PRKN: variants seen among roughly 807,000 people sequenced by gnomAD.
The protein encoded by PRKN is parkin RBR E3 ubiquitin protein ligase, also known as E3 ubiquitin-protein ligase parkin.
A neutral mutation model predicts 59.5 loss-of-function variants in PRKN; 56 were observed. The ratio of observed to expected loss-of-function variants is 0.94; its 90% CI spans 0.76 to 1.18. PRKN has a LOEUF of 1.18. Among genes scored for constraint, PRKN ranks in the 50% most tolerant of loss-of-function variants. The pLI, the probability that PRKN is intolerant of heterozygous loss-of-function variation, is 0.00. For missense variants in PRKN, 657 were observed against 596.4 expected, an observed-to-expected ratio of 1.10 and a Z score of -1.06; for synonymous variants, 250 against 222.1, an observed-to-expected ratio of 1.13 and a Z score of -1.12.
chr6:161,644,244 G>C (rs1170995590), intron 7 of PRKN, among the ~76,000 whole-genome samples: 1 of 151,998 alleles, frequency 6.6e-6, no homozygotes, highest in African/African-American at 2.4e-5. Flanking sequence ...CAGACTGTTG[G>C]GTGCAAAGTT....
chr6:162,710,018 G>A (rs892480447), intron 1 of PRKN, among the ~76,000 whole-genome samples: 68 of 152,086 alleles, frequency 4.5e-4, no homozygotes, highest in African/African-American at 1.6e-3. Flanking sequence ...TCTCCTCCAC[G>A]GGTTGGGGTG....
intron 2 of PRKN, among the ~76,000 whole-genome samples, chr6:162,360,844 T>C (rs1430383741): frequency 6.6e-6 from 1 of 152,204 alleles, no homozygotes; most frequent in African/African-American, 2.4e-5. Flanking sequence ...GTGCTGGGCA[T>C]GAGACATACT....
chr6:161,582,469 T>C lies in PRKN; in HGVS notation c.872-13053A>G, dbSNP rs903397485. On this transcript the variant is annotated intron_variant, in intron 7 of 11. Coordinates refer to ENST00000366898, the MANE Select transcript of PRKN (RefSeq NM_004562.3). This position sits in a 1 kb window ranked among gnomAD's most constrained non-coding sequence, Gnocchi z 4.4. ...TGAGACAGAGTCTCGCTCTGTCGCCTAGGCTGGAGTGCAGTGGCGCGATCT... is the reference window on the plus strand; with the variant it reads ...TGAGACAGAGTCTCGCTCTGTCGCCCAGGCTGGAGTGCAGTGGCGCGATCT... Among the ~76,000 whole-genome samples, 2 of 151,836 alleles carry C rather than the reference T, an allele frequency of 1.3e-5. No individual in the cohort carries two copies. The highest frequency in any genetic ancestry group is 2.4e-5 in the African/African-American group (1 of 41,436).
chr6:162,450,262 C>T (rs768004241), intron 1 of PRKN, among the ~76,000 whole-genome samples: 42 of 152,046 alleles, frequency 2.8e-4, no homozygotes, highest in Non-Finnish European at 5.1e-4. Context: ...ATGTAAACGC[C>T]CCTATGACTG....
intron 7 of PRKN, among the ~76,000 whole-genome samples, chr6:161,756,454 A>G (rs1344844746): frequency 6.6e-6 from 1 of 151,204 alleles, no homozygotes; most frequent in Non-Finnish European, 1.5e-5. Context: ...AAAAAAAAAA[A>G]AAAAAAAAAA....
At chr6:162,599,385 T>C (rs1320026278) in intron 1 of PRKN, among the ~76,000 whole-genome samples, 1 of 151,874 alleles carries the variant, frequency 6.6e-6, no homozygotes, top group African/African-American at 2.4e-5. Context: ...GCAGGACAGG[T>C]TGAATTTGCG....
chr6:162,220,305 C>A (rs979859079), intron 3 of PRKN, among the ~76,000 whole-genome samples: 2 of 152,028 alleles, frequency 1.3e-5, no homozygotes, highest in African/African-American at 4.8e-5. Flanking sequence ...AAAGGAATTG[C>A]AACAAAAGCA....
chr6:162,398,300 T>C (rs771011226), intron 2 of PRKN, among the ~76,000 whole-genome samples: 1 of 152,158 alleles, frequency 6.6e-6, no homozygotes, highest in Non-Finnish European at 1.5e-5. Context: ...GTTATTATCA[T>C]AGGTAGTTAT....
chr6:161,636,755 G>C (rs1230790622), intron 7 of PRKN, among the ~76,000 whole-genome samples: 1 of 152,056 alleles, frequency 6.6e-6, no homozygotes, highest in Non-Finnish European at 1.5e-5. Context: ...ATACAAAGTC[G>C]AGATTAAACA....
chr6:161,548,918 C>T lies in PRKN; in HGVS notation c.1019G>A (p.Gly340Glu), dbSNP rs1318163167. Reference sequence around the variant, plus strand: ...CCTCTGGTCAGGCTCCGGCAGCAGCCCCGCTCCACAGCCAGGGCGGGGGCA... The same window carrying T: ...CCTCTGGTCAGGCTCCGGCAGCAGCTCCGCTCCACAGCCAGGGCGGGGGCA... ...VLCPRPGCGAGLLPEPDQRKV... is the reference protein window; with the variant it reads ...VLCPRPGCGAELLPEPDQRKV... The change falls in exon 9 of 12, where the codon GGG becomes GAG. Residue 340 changes from glycine to glutamate, a missense_variant. Physicochemically the swap from Gly to Glu is moderately conservative, Grantham distance 98. Transcript: ENST00000366898. The surrounding 1 kb of genome is among the most constrained non-coding windows in gnomAD (Gnocchi z 4.2). 2 of 1,614,182 alleles carry T rather than the reference C, an allele frequency of 1.2e-6. No individual in the cohort carries two copies. Among genetic ancestry groups the T allele is most frequent in the Admixed American group, 3.3e-5 (2 of 60,034 alleles).
intron 6 of PRKN, among the ~76,000 whole-genome samples, chr6:161,946,199 A>G (rs1432611398): frequency 6.6e-6 from 1 of 152,156 alleles, no homozygotes; most frequent in African/African-American, 2.4e-5. Context: ...GTTTTTTAGA[A>G]TAAATAGCGT....
At chr6:162,331,022 T>C (rs1048383128) in intron 2 of PRKN, among the ~76,000 whole-genome samples, 4 of 152,154 alleles carry the variant, frequency 2.6e-5, no homozygotes, top group African/African-American at 9.7e-5. Flanking sequence ...TCCATCACTC[T>C]ATTACGATTT....
rs73785919 is a variant in PRKN, at chr6:161,445,513, A to T, written c.1084-58636T>A. Among the ~76,000 whole-genome samples the T allele has an allele frequency of 8.4e-3, 1,278 of 152,288 alleles. 22 individuals are homozygous for T. The highest frequency in any genetic ancestry group is 0.029 in the African/African-American group (1,209 of 41,564). ...CTTTCTCCAAGCTTGAAGGAAGATG[A>T]CTGTGACTCTTTTCCTGGACTTCAA... On this transcript the variant is annotated intron_variant, in intron 9 of 11. Coordinates refer to ENST00000366898, the MANE Select transcript of PRKN (RefSeq NM_004562.3). The surrounding 1 kb of genome is among the most constrained non-coding windows in gnomAD (Gnocchi z 7.7).
chr6:161,744,769 C>T (rs1788344420), intron 7 of PRKN, among the ~76,000 whole-genome samples: 1 of 152,136 alleles, frequency 6.6e-6, no homozygotes, highest in Non-Finnish European at 1.5e-5. Flanking sequence ...AACATAAGTT[C>T]AAGAAGGCAC....
intron 6 of PRKN, among the ~76,000 whole-genome samples, chr6:161,915,193 C>T (rs1169375995): frequency 6.6e-6 from 1 of 151,918 alleles, no homozygotes; most frequent in Non-Finnish European, 1.5e-5. Context: ...GGCTGAGGCA[C>T]CAGAATTATT....
chr6:162,218,834 C>T (rs1777810741), intron 3 of PRKN, among the ~76,000 whole-genome samples: 2 of 152,024 alleles, frequency 1.3e-5, no homozygotes, highest in African/African-American at 4.8e-5. Context: ...AAAGAACATC[C>T]ATCTTCTTAC....
chr6:162,531,717 C>T (rs1778522480), intron 1 of PRKN, among the ~76,000 whole-genome samples: 1 of 152,024 alleles, frequency 6.6e-6, no homozygotes, highest in Admixed American at 6.6e-5. Flanking sequence ...GACTCCTAAA[C>T]CGTAATTTCT....
At chr6:161,854,852 AGGC>A (rs1793582332) in intron 6 of PRKN, among the ~76,000 whole-genome samples, 1 of 152,072 alleles carries the variant, frequency 6.6e-6, no homozygotes, top group South Asian at 2.1e-4. Context: ...TGGGAGGCCG[AGGC>A]GGGTGGATCA....
At chr6:161,523,719 T>A (rs951605576) in intron 9 of PRKN, among the ~76,000 whole-genome samples, 1 of 152,234 alleles carries the variant, frequency 6.6e-6, no homozygotes, top group Non-Finnish European at 1.5e-5. Flanking sequence ...TGACATTGTT[T>A]TATAAATCAA....
Sources: gnomAD v4.1 joint callset for allele counts (sites outside exome capture counted in the v4.1 genomes callset) on GRCh38, gnomAD v4.1.1 for gene constraint, Gnocchi (gnomAD v3.1) non-coding constraint, MANE v1.5 for transcripts, NCBI Gene and HGNC (gene_info 2026-07-23, HGNC 2026-07-21) for gene names.